Variants in XKR6 observed in about 807,000 individuals in gnomAD.
XKR6 encodes XK related 6.
XKR6 carries 22 observed loss-of-function variants against 56.7 expected under a neutral mutation model. The observed-to-expected ratio is 0.39, with a 90% CI of 0.28 to 0.55. The LOEUF (loss-of-function observed/expected upper bound fraction) is 0.55. Ranked by LOEUF, XKR6 falls within the 20% of genes least tolerant of loss-of-function variation. The pLI, the probability that XKR6 is intolerant of heterozygous loss-of-function variation, is 0.66. For missense variants in XKR6, 852 were observed against 889.0 expected, an observed-to-expected ratio of 0.96 and a Z score of 0.53; for synonymous variants, 524 against 387.8, an observed-to-expected ratio of 1.35 and a Z score of -4.13.
At position 10,950,429 on chromosome 8, in the gene XKR6, C is replaced by G. The variant is rs530598038; in HGVS notation, c.765-25599G>C. 7.5e-4 allele frequency among the ~76,000 whole-genome samples: 114 copies of G among 152,316 alleles called. 1 individual carries two copies. Among genetic ancestry groups the G allele is most frequent in the African/African-American group, 2.4e-3 (100 of 41,570 alleles). On this transcript the variant is annotated intron_variant, in intron 1 of 2. Coordinates refer to ENST00000416569, the MANE Select transcript of XKR6 (RefSeq NM_173683.4). The stretch of plus-strand genomic sequence containing the variant: ...GGGAGAGTGACTGTGGCAGAGATCA[C>G]GGGTCCAGGCCTTTCCTGTCATTCC...
At chr8:11,121,921 A>C (rs1799477526) in intron 1 of XKR6, among the ~76,000 whole-genome samples, 1 of 152,230 alleles carries the variant, frequency 6.6e-6, no homozygotes, top group African/African-American at 2.4e-5. Context: ...CATTCTCAGC[A>C]AACTATCGCC....
At chr8:11,148,704 T>A (rs963370200) in intron 1 of XKR6, among the ~76,000 whole-genome samples, 1 of 152,182 alleles carries the variant, frequency 6.6e-6, no homozygotes, top group Non-Finnish European at 1.5e-5. Flanking sequence ...TAAAAACATG[T>A]CCACACAAAG....
chr8:10,981,852 T>C (rs1221435843), intron 1 of XKR6, among the ~76,000 whole-genome samples: 1 of 152,248 alleles, frequency 6.6e-6, no homozygotes, highest in Non-Finnish European at 1.5e-5. Flanking sequence ...GTCAAAGTGA[T>C]GGCTGATAAA....
chr8:10,932,692 G>T (rs7461065), intron 1 of XKR6, among the ~76,000 whole-genome samples: 40,042 of 109,990 alleles, frequency 0.36, 7,694 homozygotes, highest in Middle Eastern at 0.49. Flanking sequence ...TTTTTGTTCT[G>T]GCGATAGTTT....
At chr8:11,011,416 A>G (rs1798496693) in intron 1 of XKR6, among the ~76,000 whole-genome samples, 1 of 152,222 alleles carries the variant, frequency 6.6e-6, no homozygotes. Flanking sequence ...CGAGGCTGGA[A>G]AGCAGGTGAG....
intron 1 of XKR6, among the ~76,000 whole-genome samples, chr8:10,965,414 G>C (rs1196222730): frequency 6.6e-6 from 1 of 152,248 alleles, no homozygotes; most frequent in African/African-American, 2.4e-5. Context: ...ACAGCCTAGA[G>C]GCAGCTGTCT....
At chr8:10,948,570 T>C (rs1042771855) in intron 1 of XKR6, among the ~76,000 whole-genome samples, 3 of 152,082 alleles carry the variant, frequency 2.0e-5, no homozygotes, top group Admixed American at 6.5e-5. Context: ...TGCCCAGAGA[T>C]CTTTCCACCT....
intron 1 of XKR6, among the ~76,000 whole-genome samples, chr8:10,930,994 C>A (rs1444464901): frequency 6.6e-6 from 1 of 152,108 alleles, no homozygotes; most frequent in African/African-American, 2.4e-5. Context: ...GTAAAACTGT[C>A]CCTATTTGTA....
At chr8:11,039,466 C>G (rs1426225076) in intron 1 of XKR6, among the ~76,000 whole-genome samples, 1 of 152,212 alleles carries the variant, frequency 6.6e-6, no homozygotes, top group Non-Finnish European at 1.5e-5. Flanking sequence ...AGATGAGGGA[C>G]GCGCACTGCC....
At chr8:11,006,297 A>C (rs1228580107) in intron 1 of XKR6, among the ~76,000 whole-genome samples, 1 of 152,182 alleles carries the variant, frequency 6.6e-6, no homozygotes, top group African/African-American at 2.4e-5. Context: ...TCCTTCATTC[A>C]GCGCCTACTG....
intron 1 of XKR6, among the ~76,000 whole-genome samples, chr8:10,929,509 G>A (rs1005548175): frequency 2.0e-5 from 3 of 152,368 alleles, no homozygotes; most frequent in East Asian, 3.9e-4. Context: ...GGTAGACCAT[G>A]TGTCTCCTTA....
At chr8:11,050,850 C>T (rs891236443) in intron 1 of XKR6, among the ~76,000 whole-genome samples, 2 of 152,122 alleles carry the variant, frequency 1.3e-5, no homozygotes, top group Admixed American at 6.5e-5. Context: ...CCCAGTGCTG[C>T]TCCCCACTCC....
chr8:11,125,677 TACCTGCAAAAAACTAAAA>T (rs1799743598), intron 1 of XKR6: 1 of 152,204 alleles, frequency 6.6e-6, no homozygotes, highest in African/African-American at 2.4e-5. Context: ...ACAAATTCCA[TACCTGCAAAAAACTAAAA>T]ACAACTGTGT....
At chr8:10,982,422 C>T (rs1023887150) in intron 1 of XKR6, among the ~76,000 whole-genome samples, 1 of 152,218 alleles carries the variant, frequency 6.6e-6, no homozygotes, top group East Asian at 1.9e-4. Flanking sequence ...GGTCCCACCT[C>T]TAAAAATGAG....
intron 1 of XKR6, among the ~76,000 whole-genome samples, chr8:10,931,234 G>C (rs1383299482): frequency 6.6e-6 from 1 of 152,094 alleles, no homozygotes; most frequent in Admixed American, 6.5e-5. Context: ...AAACATGCAG[G>C]ATTTGTATGC....
intron 2 of XKR6, among the ~76,000 whole-genome samples, chr8:10,901,055 CTTT>C (rs35359233): frequency 1.6e-5 from 2 of 122,254 alleles, no homozygotes; most frequent in Admixed American, 8.4e-5. Flanking sequence ...GTTTCTACTT[CTTT>C]TTTTTTTTTT....
intron 1 of XKR6, among the ~76,000 whole-genome samples, chr8:11,079,176 G>A (rs928392468): frequency 6.6e-6 from 1 of 152,234 alleles, no homozygotes; most frequent in Non-Finnish European, 1.5e-5. Flanking sequence ...TGGCCTCTGG[G>A]CAGGAGATAC....
chr8:11,098,115 T>A (rs1438589673), intron 1 of XKR6, among the ~76,000 whole-genome samples: 1 of 152,066 alleles, frequency 6.6e-6, no homozygotes. Flanking sequence ...AGCACTGGCT[T>A]CGACTTCCGG....
At chr8:11,110,527 T>C (rs1247212493) in intron 1 of XKR6, among the ~76,000 whole-genome samples, 6 of 152,178 alleles carry the variant, frequency 3.9e-5, no homozygotes, top group African/African-American at 7.2e-5. Flanking sequence ...TCAGTCTCTA[T>C]AGTTCCGTGC....
Sources: allele counts gnomAD v4.1 joint callset (sites outside exome capture counted in the v4.1 genomes callset), GRCh38; gene constraint gnomAD v4.1.1; transcripts MANE v1.5; gene names NCBI Gene and HGNC (gene_info 2026-07-23, HGNC 2026-07-21).